The following LMO3 variants were observed in gnomAD, a reference collection of about 807,000 sequenced individuals.
The protein encoded by LMO3 is LIM domain only protein 3.
Under a neutral mutation model 15.8 loss-of-function variants are expected in LMO3, and 2 were observed. That is an observed-to-expected ratio of 0.13 (90% CI 0.05 to 0.40). The LOEUF (loss-of-function observed/expected upper bound fraction) is 0.40. Ranked by LOEUF, LMO3 falls within the 10% of genes least tolerant of loss-of-function variation. The pLI, the probability that LMO3 is intolerant of heterozygous loss-of-function variation, is 0.99. For missense variants in LMO3, 86 were observed against 182.2 expected (o/e 0.47, Z 3.04); for synonymous variants, 62 against 63.8 (o/e 0.97, Z 0.13).
In LMO3 at chr12:16,576,363, A is replaced by G. The variant is rs1290939919; in HGVS notation, c.207-15825T>C. Among the ~76,000 whole-genome samples the G allele has an allele frequency of 2.0e-5, 3 of 152,060 alleles. No homozygotes were observed. The highest frequency in any genetic ancestry group is 2.9e-5 in the Non-Finnish European group (2 of 68,010). On this transcript the variant is annotated intron_variant, in intron 2 of 3. Transcript: ENST00000537304. The surrounding 1 kb of genome is among the most constrained non-coding windows in gnomAD (Gnocchi z 4.1). ...TGTCTACTCCCTGGACTCAGCATCT[A>G]CTTTCACACCTGATGTCCTACCACT...
chr12:16,562,076 T>G (rs1942427227), intron 2 of LMO3, among the ~76,000 whole-genome samples: 1 of 152,222 alleles, frequency 6.6e-6, no homozygotes, highest in Non-Finnish European at 1.5e-5. Flanking sequence ...ATAATATTTA[T>G]TTAAAAAGAA....
In LMO3 at chr12:16,560,680, T is replaced by C; in HGVS notation, c.207-142A>G. 1 of 692,368 alleles carries C rather than the reference T, an allele frequency of 1.4e-6. No individual in the cohort carries two copies. The highest frequency in any genetic ancestry group is 2.5e-6 in the Non-Finnish European group (1 of 406,680). 42.9% of individuals were successfully genotyped at this position (692,368 alleles called of 1,614,324 possible). A position where few individuals can be genotyped will look rare whatever the true frequency, so the allele number is the denominator to read the frequency against. On this transcript the variant is annotated intron_variant, in intron 2 of 3. Coordinates refer to ENST00000537304, the MANE Select transcript of LMO3 (RefSeq NM_018640.5). This position sits in a 1 kb window ranked among gnomAD's most constrained non-coding sequence, Gnocchi z 5.0. Reference sequence around the variant, plus strand: ...ACACAAGTGGATTTTATCCTAGGTGTATGCATAAATATTCTTCTGCAATAT... The same window carrying C: ...ACACAAGTGGATTTTATCCTAGGTGCATGCATAAATATTCTTCTGCAATAT...
At chr12:16,600,895 G>C in intron 1 of LMO3, 27 bp from the exon 2 acceptor site, 1 of 1,512,626 alleles carries the variant, frequency 6.6e-7, no homozygotes. Context: ...GCAAAAAAGA[G>C]AGCTGAGACT....
chr12:16,609,149 G>A (rs1944080975), upstream of LMO3: 1 of 152,134 alleles, frequency 6.6e-6, no homozygotes, highest in South Asian at 2.1e-4. Flanking sequence ...TTAATGTACT[G>A]CACAGATGTG....
chr12:16,608,503 A>C (rs1944071391), upstream of LMO3: 3 of 152,100 alleles, frequency 2.0e-5, no homozygotes, highest in South Asian at 6.2e-4. This position sits in a 1 kb window ranked among gnomAD's most constrained non-coding sequence, Gnocchi z 4.1. Flanking sequence ...TTAGTACTCT[A>C]TTTGGACTGT....
In LMO3 at chr12:16,559,063, C is replaced by T. The variant is rs1373320493; in HGVS notation, c.332+1350G>A. On this transcript the variant is annotated intron_variant, in intron 3 of 3. Transcript: ENST00000537304. The surrounding 1 kb of genome is among the most constrained non-coding windows in gnomAD (Gnocchi z 4.1). ...TTCTTTCTACTATTCTACAGGGTCT[C>T]ATAAGAAGATTCTGCATCAAATAGT... is the stretch of plus-strand genomic sequence containing the variant. Among the ~76,000 whole-genome samples the T allele has an allele frequency of 6.6e-6, 1 of 152,122 alleles. No homozygotes were observed. Among genetic ancestry groups the T allele is most frequent in the African/African-American group, 2.4e-5 (1 of 41,434 alleles).
rs1272307275 is a variant in LMO3, at chr12:16,597,965, T to TAC, written c.206+2688_206+2689dup. On this transcript the variant is annotated intron_variant, in intron 2 of 3. Coordinates refer to ENST00000537304, the MANE Select transcript of LMO3 (RefSeq NM_018640.5). This position sits in a 1 kb window ranked among gnomAD's most constrained non-coding sequence, Gnocchi z 5.0. ...AATTAGATAGTGGCAACTTTAGGTG[T>TAC]ACCTTCCTTTTTCCTTTAGCTAATT... 1 of 152,040 alleles carries TAC rather than the reference T, an allele frequency of 6.6e-6. No individual in the cohort carries two copies. The highest frequency in any genetic ancestry group is 1.9e-4 in the East Asian group (1 of 5,192). 9.4% of individuals were successfully genotyped at this position (152,040 alleles called of 1,614,324 possible). A position where few individuals can be genotyped will look rare whatever the true frequency, so the allele number is the denominator to read the frequency against.
intron 2 of LMO3, among the ~76,000 whole-genome samples, chr12:16,590,130 C>T (rs954850113): frequency 6.6e-6 from 1 of 152,012 alleles, no homozygotes; most frequent in East Asian, 1.9e-4. Context: ...TAAACTTAAA[C>T]ATTTTTAAAA....
intron 1 of LMO3, among the ~76,000 whole-genome samples, chr12:16,601,315 T>G (rs1392744576): frequency 6.6e-6 from 1 of 152,210 alleles, no homozygotes; most frequent in Non-Finnish European, 1.5e-5. Context: ...TCACTTAATA[T>G]GTGCTTGATG....
chr12:16,594,233 A>T, intron 2 of LMO3: 1 of 1,532,314 alleles, frequency 6.5e-7, no homozygotes, highest in East Asian at 2.5e-5. Context: ...TGCAGCATGT[A>T]TGTATATAGA....
At chr12:16,608,352 ATC>A (rs1565521188), upstream of LMO3, 1 of 152,108 alleles carries the variant, frequency 6.6e-6, no homozygotes, top group Non-Finnish European at 1.5e-5. The surrounding 1 kb of genome is among the most constrained non-coding windows in gnomAD (Gnocchi z 4.1). Flanking sequence ...CAACTGTATG[ATC>A]TGTTACCCCT....
chr12:16,569,306 C>T (rs1942728055), intron 2 of LMO3, among the ~76,000 whole-genome samples: 1 of 151,970 alleles, frequency 6.6e-6, no homozygotes, highest in Non-Finnish European at 1.5e-5. Context: ...TTTGTTTTTC[C>T]CTGCAAAAAT....
upstream of LMO3, chr12:16,610,066 C>G (rs1425760744): frequency 6.6e-6 from 1 of 152,162 alleles, no homozygotes; most frequent in Non-Finnish European, 1.5e-5. Flanking sequence ...CCCACCATCA[C>G]TCTTCGAAAT....
chr12:16,583,946 T>C (rs1943242454), intron 2 of LMO3, among the ~76,000 whole-genome samples: 1 of 152,180 alleles, frequency 6.6e-6, no homozygotes, highest in African/African-American at 2.4e-5. Flanking sequence ...TCAGTGCTAT[T>C]ACAAGTGAAA....
chr12:16,600,397 C>A, intron 2 of LMO3: 1 of 328,060 alleles, frequency 3.0e-6, no homozygotes, highest in Non-Finnish European at 5.6e-6. Flanking sequence ...GCAGTTTCAA[C>A]ATAGGCAGCG....
intron 2 of LMO3, among the ~76,000 whole-genome samples, chr12:16,564,421 G>A (rs1942517185): frequency 6.6e-6 from 1 of 152,202 alleles, no homozygotes; most frequent in South Asian, 2.1e-4. Context: ...AACTCTTTAT[G>A]GTTTAGTGTA....
rs1555116337 is a variant in LMO3, at chr12:16,566,038, A to ATATG, written c.207-5501_207-5500insCATA. Among the ~76,000 whole-genome samples the ATATG allele has an allele frequency of 2.3e-4, 21 of 90,520 alleles. 2 individuals are homozygous for ATATG. Among genetic ancestry groups the ATATG allele is most frequent in the Non-Finnish European group, 3.8e-4 (17 of 44,472 alleles). 59.4% of individuals were successfully genotyped at this position (90,520 alleles called of 152,430 possible). A position where few individuals can be genotyped will look rare whatever the true frequency, so the allele number is the denominator to read the frequency against. On this transcript the variant is annotated intron_variant, in intron 2 of 3. Transcript: ENST00000537304. ...TATATATATATATATATATATATAT[A>ATATG]TAAAATGGAGTACTATTCAGCCATA...
At chr12:16,563,030 A>G (rs1483125998) in intron 2 of LMO3, among the ~76,000 whole-genome samples, 1 of 152,238 alleles carries the variant, frequency 6.6e-6, no homozygotes, top group Non-Finnish European at 1.5e-5. Flanking sequence ...TAGGCTTCAG[A>G]TAAAATTTTC....
Position 16,548,974 on chromosome 12 carries a change from C to T in LMO3, c.*2248G>A, listed in dbSNP as rs1180211527. The T allele has an allele frequency of 6.6e-6, 1 of 152,162 alleles. No homozygotes were observed. 9.4% of individuals were successfully genotyped at this position (152,162 alleles called of 1,614,324 possible). On this transcript the variant is annotated 3_prime_UTR_variant, in exon 4 of 4. Transcript: ENST00000537304. This position sits in a 1 kb window ranked among gnomAD's most constrained non-coding sequence, Gnocchi z 4.2. ...TCCAGTGGCAAGGATAGTTGAACAA[C>T]TTCAAGAAGCTGAGAGAAGTTTGTT...
Sources: allele counts gnomAD v4.1 joint callset (sites outside exome capture counted in the v4.1 genomes callset), GRCh38; gene constraint gnomAD v4.1.1; non-coding constraint Gnocchi (gnomAD v3.1); transcripts MANE v1.5; gene names NCBI Gene and HGNC (gene_info 2026-07-23, HGNC 2026-07-21).